Variants in CALN1 observed in about 807,000 individuals in gnomAD.
CALN1 encodes the protein calcium-binding protein 8.
Under a neutral mutation model 30.6 loss-of-function variants are expected in CALN1, and 17 were observed. The observed-to-expected ratio is 0.56, with a 90% CI of 0.38 to 0.83. The LOEUF (loss-of-function observed/expected upper bound fraction) is 0.83. Ranked by LOEUF, CALN1 falls within the 40% of genes least tolerant of loss-of-function variation. The probability of loss-of-function intolerance (pLI) is 0.00; values close to 1 mark genes in which losing one functional copy is unlikely to be tolerated. For missense variants in CALN1, 291 were observed against 354.9 expected, an observed-to-expected ratio of 0.82 and a Z score of 1.45; for synonymous variants, 156 against 131.4, an observed-to-expected ratio of 1.19 and a Z score of -1.28.
chr7:71,978,039 A>G (rs2129526914), intron 5 of CALN1, among the ~76,000 whole-genome samples: 1 of 151,842 alleles, frequency 6.6e-6, no homozygotes, highest in East Asian at 1.9e-4. Flanking sequence ...AGCAGCTGCC[A>G]AAGATATGTG....
At chr7:72,228,234 C>T (rs1005750200) in intron 3 of CALN1, among the ~76,000 whole-genome samples, 2 of 151,818 alleles carry the variant, frequency 1.3e-5, no homozygotes, top group African/African-American at 4.8e-5. Context: ...GTAGTGTTTC[C>T]AGGGACTAGA....
intron 3 of CALN1, among the ~76,000 whole-genome samples, chr7:72,220,165 A>G (rs1314496122): frequency 2.7e-5 from 4 of 148,310 alleles, no homozygotes; most frequent in South Asian, 4.5e-4. Context: ...AGCATTAGGT[A>G]TATCTCCAAA....
At chr7:72,271,575 A>AAATATATATATATATATATATATAT in intron 3 of CALN1, among the ~76,000 whole-genome samples, 7 of 52,124 alleles carry the variant, frequency 1.3e-4, no homozygotes, top group African/African-American at 2.7e-4. Context: ...AAAAAAAAAA[A>AAATATATATATATATATATATATAT]ATATATATAT....
At chr7:72,292,560 C>T (rs957944282) in intron 2 of CALN1, among the ~76,000 whole-genome samples, 1 of 151,242 alleles carries the variant, frequency 6.6e-6, no homozygotes, top group Non-Finnish European at 1.5e-5. Flanking sequence ...GTGGCTTATG[C>T]CTGTAATCCC....
intron 4 of CALN1, among the ~76,000 whole-genome samples, chr7:72,085,968 G>T (rs1805458146): frequency 6.6e-6 from 1 of 151,972 alleles, no homozygotes; most frequent in African/African-American, 2.4e-5. Flanking sequence ...GGTAAAAATA[G>T]ATGTATAAGG....
chr7:71,830,748 AC>A (rs1271720218), intron 5 of CALN1, among the ~76,000 whole-genome samples: 3 of 152,340 alleles, frequency 2.0e-5, no homozygotes, highest in African/African-American at 7.2e-5. Context: ...ATTGAAAGTT[AC>A]TAAACTTCTC....
At chr7:71,898,241 A>T (rs929163249) in intron 5 of CALN1, among the ~76,000 whole-genome samples, 2 of 152,150 alleles carry the variant, frequency 1.3e-5, no homozygotes, top group Non-Finnish European at 2.9e-5. Flanking sequence ...GAGACAGTAG[A>T]ATCGCTTGAA....
chr7:71,792,522 C>G (rs978287707), intron 6 of CALN1, among the ~76,000 whole-genome samples: 1 of 152,108 alleles, frequency 6.6e-6, no homozygotes, highest in Non-Finnish European at 1.5e-5. Context: ...GTCTCAGAAT[C>G]TTACAAGTTC....
chr7:72,121,640 T>G (rs567209111), intron 3 of CALN1, among the ~76,000 whole-genome samples: 2 of 148,896 alleles, frequency 1.3e-5, no homozygotes, highest in Admixed American at 1.3e-4. Flanking sequence ...CTCTTGTGAT[T>G]CGCTTAGGAT....
chr7:72,275,510 G>A (rs1302811912), intron 3 of CALN1, among the ~76,000 whole-genome samples: 1 of 152,192 alleles, frequency 6.6e-6, no homozygotes, highest in African/African-American at 2.4e-5. Context: ...TCATAACTCA[G>A]TGTTCGCCTT....
chr7:72,140,052 C>A (rs1809784073), intron 3 of CALN1, among the ~76,000 whole-genome samples: 1 of 151,966 alleles, frequency 6.6e-6, no homozygotes, highest in African/African-American at 2.4e-5. Context: ...GGGAGGATTG[C>A]TTCAGGCCAG....
chr7:71,819,210 CT>C (rs113567992), intron 5 of CALN1, among the ~76,000 whole-genome samples: 8,591 of 137,262 alleles, frequency 0.063, 551 homozygotes, highest in African/African-American at 0.18. Flanking sequence ...CTATTTTATT[CT>C]TTTTTTTTTT....
At chr7:72,201,586 G>A (rs1020010471) in intron 3 of CALN1, among the ~76,000 whole-genome samples, 5 of 150,294 alleles carry the variant, frequency 3.3e-5, no homozygotes, top group African/African-American at 7.3e-5. Context: ...ACTCCATTTC[G>A]GAAAAAAAAA....
the CALN1 span, among the ~76,000 whole-genome samples, chr7:72,469,571 G>A: frequency 6.6e-6 from 1 of 152,002 alleles, no homozygotes; most frequent in Non-Finnish European, 1.5e-5. Context: ...TCATTGTTTT[G>A]TATTTGTAGT....
chr7:72,346,579 G>A (rs1248516778), intron 2 of CALN1, among the ~76,000 whole-genome samples: 4 of 151,960 alleles, frequency 2.6e-5, no homozygotes, highest in South Asian at 2.1e-4. Context: ...CCAGTGGCAC[G>A]ATCTCGGCTC....
chr7:72,198,613 C>G (rs1562723683), intron 3 of CALN1, among the ~76,000 whole-genome samples: 1 of 152,114 alleles, frequency 6.6e-6, no homozygotes, highest in Non-Finnish European at 1.5e-5. Context: ...ATAACCCACT[C>G]CCAGCAATTC....
the CALN1 span, among the ~76,000 whole-genome samples, chr7:72,467,162 C>T: frequency 6.6e-6 from 1 of 152,182 alleles, no homozygotes; most frequent in African/African-American, 2.4e-5. Flanking sequence ...TCTGAGACAG[C>T]CTATGACCAA....
intron 5 of CALN1, among the ~76,000 whole-genome samples, chr7:71,855,662 C>T (rs1790904684): frequency 6.6e-6 from 1 of 152,118 alleles, no homozygotes; most frequent in African/African-American, 2.4e-5. Flanking sequence ...TCTCAGTCCC[C>T]TAGTGGCAGT....
At chr7:72,043,777 T>C (rs1429553697) in intron 4 of CALN1, among the ~76,000 whole-genome samples, 1 of 152,118 alleles carries the variant, frequency 6.6e-6, no homozygotes. Context: ...AAAGGGGTTG[T>C]ATTAGTTCGT....
Sources: gnomAD v4.1 joint callset for allele counts (sites outside exome capture counted in the v4.1 genomes callset) on GRCh38, gnomAD v4.1.1 for gene constraint, MANE v1.5 for transcripts, NCBI Gene and HGNC (gene_info 2026-07-23, HGNC 2026-07-21) for gene names.